Variants in AMELY observed in about 807,000 individuals in gnomAD.
AMELY encodes the protein amelogenin Y-linked.
A neutral mutation model predicts 4.2 loss-of-function variants in AMELY; 4 were observed. That is an observed-to-expected ratio of 0.96 (90% CI 0.47 to 2.19). The LOEUF (loss-of-function observed/expected upper bound fraction) is 2.19, where lower values mean the gene tolerates loss of function less well. AMELY is among the 30% of genes most tolerant of loss of function. The pLI, the probability that AMELY is intolerant of heterozygous loss-of-function variation, is 0.02. For synonymous variants in AMELY, 11 were observed against 14.7 expected (o/e 0.75, Z 0.57); for missense variants, 32 against 41.5 (o/e 0.77, Z 0.63).
chrY:6,895,101 G>C (rs369720741), intron 1 of AMELY, among the ~76,000 whole-genome samples: 2 of 33,563 alleles, frequency 6.0e-5, no homozygotes, highest in Non-Finnish European at 1.5e-4. Context: ...TCTTCAAGCT[G>C]TATATATTAA....
chrY:6,896,171 C>T, intron 1 of AMELY, among the ~76,000 whole-genome samples: 1 of 33,231 alleles, frequency 3.0e-5, no homozygotes, highest in South Asian at 6.9e-4. Context: ...ATGGTGTTTT[C>T]TGTATATAGA....
intron 1 of AMELY, among the ~76,000 whole-genome samples, chrY:6,909,036 T>C (rs188681655): frequency 3.3e-4 from 11 of 33,545 alleles, no homozygotes; most frequent in African/African-American, 7.0e-4. Flanking sequence ...CTTTAAAAGA[T>C]TGACATCTGC....
chrY:6,885,462 G>C, intron 1 of AMELY, among the ~76,000 whole-genome samples: 2 of 33,907 alleles, frequency 5.9e-5, no homozygotes, highest in Non-Finnish European at 1.5e-4. Flanking sequence ...GCGACAGAGC[G>C]AGACTCTATC....
intron 1 of AMELY, among the ~76,000 whole-genome samples, chrY:6,905,145 A>C: frequency 3.0e-5 from 1 of 33,660 alleles, no homozygotes; most frequent in Admixed American, 2.7e-4. Flanking sequence ...CTTTTAGGTC[A>C]CTTGATTAAT....
intron 1 of AMELY, among the ~76,000 whole-genome samples, chrY:6,884,469 C>G (rs2054077600): frequency 3.1e-5 from 1 of 32,424 alleles, no homozygotes; most frequent in East Asian, 7.9e-4. Flanking sequence ...GAAATAAAAT[C>G]TTACATGTCA....
chrY:6,892,675 G>A (rs764493537), intron 1 of AMELY, among the ~76,000 whole-genome samples: 1 of 33,941 alleles, frequency 2.9e-5, no homozygotes, highest in Non-Finnish European at 7.3e-5. Flanking sequence ...TACCAAAAAT[G>A]AGACTGCCAC....
intron 1 of AMELY, chrY:6,910,597 G>A: frequency 2.2e-5 from 1 of 44,809 alleles, no homozygotes; most frequent in Non-Finnish European, 5.0e-5. Context: ...GCATGCTAGC[G>A]GCCGCTCCCA....
At chrY:6,907,861 T>C (rs1603023572) in intron 1 of AMELY, among the ~76,000 whole-genome samples, 2 of 30,263 alleles carry the variant, frequency 6.6e-5, no homozygotes, top group East Asian at 1.7e-3. Flanking sequence ...CCTACTGCCT[T>C]TTTTTTTTTA....
intron 1 of AMELY, among the ~76,000 whole-genome samples, chrY:6,904,799 T>C: frequency 3.0e-5 from 1 of 33,661 alleles, no homozygotes; most frequent in Admixed American, 2.7e-4. Flanking sequence ...ACCCAGTTCA[T>C]GATAGGCAGT....
At chrY:6,883,497 A>G in intron 1 of AMELY, among the ~76,000 whole-genome samples, 3 of 32,528 alleles carry the variant, frequency 9.2e-5, no homozygotes, top group African/African-American at 1.2e-4. Context: ...GTAGGTGATG[A>G]GTTGATGAGT....
At chrY:6,876,361 G>A in intron 1 of AMELY, among the ~76,000 whole-genome samples, 2 of 33,381 alleles carry the variant, frequency 6.0e-5, no homozygotes, top group African/African-American at 2.3e-4. Flanking sequence ...TTGCTAATAT[G>A]TACAACTTCC....
intron 1 of AMELY, among the ~76,000 whole-genome samples, chrY:6,892,707 C>A: frequency 3.0e-5 from 1 of 33,822 alleles, no homozygotes. Context: ...GGTATTTACT[C>A]AATGAAATCA....
chrY:6,885,259 CA>C (rs1262698280), intron 1 of AMELY, among the ~76,000 whole-genome samples: 801 of 33,538 alleles, frequency 0.024, no homozygotes, highest in Middle Eastern at 0.21. Flanking sequence ...GGGGGCGGAT[CA>C]CGAGGTCAGG....
intron 1 of AMELY, among the ~76,000 whole-genome samples, chrY:6,874,338 G>A: frequency 3.0e-5 from 1 of 33,027 alleles, no homozygotes; most frequent in Non-Finnish European, 7.5e-5. Context: ...GCCTGTGATC[G>A]ATTAAAATTT....
At chrY:6,904,490 C>T in intron 1 of AMELY, among the ~76,000 whole-genome samples, 1 of 33,501 alleles carries the variant, frequency 3.0e-5, no homozygotes. Context: ...TGTAGTGCTG[C>T]AGCTGTCCAC....
At chrY:6,870,103 T>C (rs1278328338) in intron 3 of AMELY, 50 bp from the exon 4 acceptor site, 1 of 335,731 alleles carries the variant, frequency 3.0e-6, no homozygotes, top group South Asian at 3.2e-5. Context: ...GAAGGGAGAG[T>C]GTGAAGGAAG....
intron 1 of AMELY, among the ~76,000 whole-genome samples, chrY:6,907,866 T>A (rs2124085818): frequency 3.1e-5 from 1 of 32,619 alleles, no homozygotes; most frequent in Non-Finnish European, 7.5e-5. Context: ...TGCCTTTTTT[T>A]TTTTAAGATG....
At chrY:6,895,144 A>G in intron 1 of AMELY, among the ~76,000 whole-genome samples, 1 of 33,850 alleles carries the variant, frequency 3.0e-5, no homozygotes, top group Admixed American at 2.7e-4. Context: ...AACAGTGCAT[A>G]GCTTCTGTCA....
intron 1 of AMELY, among the ~76,000 whole-genome samples, chrY:6,880,020 C>T: frequency 3.1e-5 from 1 of 32,726 alleles, no homozygotes; most frequent in South Asian, 7.0e-4. Flanking sequence ...CTTGGTGATG[C>T]GGGCTCTTTT....
Sources: gnomAD v4.1 joint callset for allele counts (sites outside exome capture counted in the v4.1 genomes callset) on GRCh38, gnomAD v4.1.1 for gene constraint, MANE v1.5 for transcripts, NCBI Gene and HGNC (gene_info 2026-07-23, HGNC 2026-07-21) for gene names.